Variants in SYNE1 observed in about 807,000 individuals in gnomAD.
SYNE1 encodes the protein spectrin repeat containing nuclear envelope protein 1.
A neutral mutation model predicts 1,111.0 loss-of-function variants in SYNE1; 616 were observed. The ratio of observed to expected loss-of-function variants is 0.55; its 90% CI spans 0.52 to 0.59. The LOEUF (loss-of-function observed/expected upper bound fraction) is 0.59. Among genes scored for constraint, SYNE1 ranks in the 20% least tolerant of loss-of-function variants. SYNE1 has a pLI of 0.00. For synonymous variants in SYNE1, 3,855 were observed against 3,825.8 expected (o/e 1.01, Z -0.28); for missense variants, 10,006 against 10,417.0 (o/e 0.96, Z 1.72).
At chr6:152,289,128 G>A (rs894812152) in intron 95 of SYNE1, among the ~76,000 whole-genome samples, 3 of 152,072 alleles carry the variant, frequency 2.0e-5, no homozygotes, top group African/African-American at 7.2e-5. Flanking sequence ...AAAAAATTTA[G>A]CCATCAAATA....
chr6:152,154,725 A>G (rs984333070), intron 133 of SYNE1, among the ~76,000 whole-genome samples, 167 bp downstream of exon 133: 1 of 151,970 alleles, frequency 6.6e-6, no homozygotes, highest in African/African-American at 2.4e-5. Flanking sequence ...CCCCCTTCAT[A>G]CGTATGACTA....
At chr6:152,259,450 T>C (rs1363643645) in intron 101 of SYNE1, among the ~76,000 whole-genome samples, 13 of 152,208 alleles carry the variant, frequency 8.5e-5, no homozygotes, top group Admixed American at 8.5e-4. Flanking sequence ...TTTGACCTAG[T>C]GAACTTTAGG....
intron 11 of SYNE1, among the ~76,000 whole-genome samples, chr6:152,488,814 G>A (rs2098955215): frequency 6.6e-6 from 1 of 151,522 alleles, no homozygotes; most frequent in Non-Finnish European, 1.5e-5. Context: ...AAGAGTAATA[G>A]CTGGAGTAGA....
chr6:152,379,932 C>A (rs2097371291), intron 56 of SYNE1, among the ~76,000 whole-genome samples: 1 of 152,092 alleles, frequency 6.6e-6, no homozygotes, highest in South Asian at 2.1e-4. Context: ...GAAAAAGGAA[C>A]CAAGAAAGTG....
At chr6:152,171,431 T>C (rs752228306) in intron 130 of SYNE1, among the ~76,000 whole-genome samples, 3 of 152,246 alleles carry the variant, frequency 2.0e-5, no homozygotes, top group Non-Finnish European at 2.9e-5. Context: ...GGGACTACTA[T>C]GGTGATCAAG....
At chr6:152,636,179 G>A (rs2099705625) in intron 2 of SYNE1, among the ~76,000 whole-genome samples, 1 of 152,074 alleles carries the variant, frequency 6.6e-6, no homozygotes, top group Admixed American at 6.5e-5. Flanking sequence ...GGGCCTCCGC[G>A]CAGCCTTCAA....
At chr6:152,513,850 A>G (rs896180457) in intron 6 of SYNE1, among the ~76,000 whole-genome samples, 1 of 152,210 alleles carries the variant, frequency 6.6e-6, no homozygotes, top group Non-Finnish European at 1.5e-5. Context: ...AAAAGAAGAC[A>G]TTTATGAGGC....
chr6:152,215,563 G>T (rs527772529), intron 121 of SYNE1, among the ~76,000 whole-genome samples: 25 of 152,236 alleles, frequency 1.6e-4, no homozygotes, highest in African/African-American at 6.0e-4. Flanking sequence ...ATAAGTAAAA[G>T]ACCTTACTTC....
chr6:152,406,180 T>C (rs1361837523), intron 45 of SYNE1, among the ~76,000 whole-genome samples: 1 of 152,146 alleles, frequency 6.6e-6, no homozygotes, highest in Non-Finnish European at 1.5e-5. Flanking sequence ...ACTAGAACTT[T>C]AAAAGGTCAG....
intron 128 of SYNE1, among the ~76,000 whole-genome samples, chr6:152,187,882 T>C (rs2070697449): frequency 2.0e-5 from 3 of 151,898 alleles, no homozygotes; most frequent in South Asian, 4.2e-4. Flanking sequence ...CCCGCCACCA[T>C]CCGCGGCTAA....
intron 80 of SYNE1, 28 bp downstream of exon 80, chr6:152,325,930 T>C (rs1038012090): frequency 6.2e-7 from 1 of 1,611,896 alleles, no homozygotes; most frequent in Admixed American, 1.7e-5. Context: ...AGAAAAAGGA[T>C]TTTTTTTAAA....
Position 152,369,144 on chromosome 6 carries a change from A to T in SYNE1, c.9652-17T>A. ...AAGGACAGACTGAAAAGCACAAGCA[A>T]GTTACTATTCAGAGGCTGGGGAAAA... is the stretch of plus-strand genomic sequence containing the variant. On this transcript the variant is annotated splice_polypyrimidine_tract_variant and intron_variant, in intron 60 of 145. Transcript: ENST00000367255. The T allele has an allele frequency of 6.2e-7, 1 of 1,611,796 alleles. No individual in the cohort carries two copies. Among genetic ancestry groups the T allele is most frequent in the Non-Finnish European group, 8.5e-7 (1 of 1,179,972 alleles).
chr6:152,319,081 C>T, intron 84 of SYNE1, 66 bp from the exon 85 acceptor site: 1 of 1,594,456 alleles, frequency 6.3e-7, no homozygotes, highest in Non-Finnish European at 8.6e-7. Context: ...TACTAAAAAT[C>T]TCAAATGATG....
chr6:152,399,928 T>C (rs2097787039), intron 47 of SYNE1, 105 bp from the exon 48 acceptor site: 4 of 1,247,874 alleles, frequency 3.2e-6, no homozygotes, highest in Non-Finnish European at 4.6e-6. Flanking sequence ...CATTGTTGAA[T>C]CCACTCCATG....
At chr6:152,301,760 C>T in intron 92 of SYNE1, 109 bp downstream of exon 92, 5 of 1,230,630 alleles carry the variant, frequency 4.1e-6, no homozygotes, top group Non-Finnish European at 5.6e-6. Flanking sequence ...CCCTCTGAAT[C>T]TGCAAGATCG....
Position 152,353,757 on chromosome 6 carries a change from A to C in SYNE1, c.10927-13T>G. 2.5e-6 allele frequency: 4 copies of C among 1,613,644 alleles called. No homozygotes were observed. The highest frequency in any genetic ancestry group is 3.4e-6 in the Non-Finnish European group (4 of 1,180,038). On this transcript the variant is annotated splice_polypyrimidine_tract_variant and intron_variant, in intron 67 of 145. Coordinates refer to ENST00000367255, the MANE Select transcript of SYNE1 (RefSeq NM_182961.4). ...CTTCGTGCCACTTCTGAAATGACAA[A>C]GTATCGAAGGGAAAGATTCAATCTT...
At chr6:152,217,062 CA>C (rs34302800) in intron 121 of SYNE1, among the ~76,000 whole-genome samples, 139 of 107,116 alleles carry the variant, frequency 1.3e-3, no homozygotes, top group Non-Finnish European at 1.3e-3. Context: ...GACTCTATCT[CA>C]AAAAAAAAAA....
chr6:152,391,658 G>A, intron 51 of SYNE1, 90 bp from the exon 52 acceptor site: 2 of 1,424,320 alleles, frequency 1.4e-6, no homozygotes, highest in Non-Finnish European at 1.9e-6. Context: ...TGATATTGGA[G>A]CAGTAACCAG....
intron 127 of SYNE1, among the ~76,000 whole-genome samples, chr6:152,201,185 C>A (rs902760709): frequency 6.6e-6 from 1 of 151,796 alleles, no homozygotes; most frequent in Non-Finnish European, 1.5e-5. Flanking sequence ...TTTCACTTGG[C>A]TACAAAGATG....
Sources: gnomAD v4.1 joint callset for allele counts (sites outside exome capture counted in the v4.1 genomes callset) on GRCh38, gnomAD v4.1.1 for gene constraint, MANE v1.5 for transcripts, NCBI Gene and HGNC (gene_info 2026-07-23, HGNC 2026-07-21) for gene names.